Variants in DENND1A observed in about 807,000 individuals in gnomAD.
DENND1A encodes the protein DENN domain-containing protein 1A.
A neutral mutation model predicts 113.7 loss-of-function variants in DENND1A; 51 were observed. The ratio of observed to expected loss-of-function variants is 0.45; its 90% CI spans 0.36 to 0.57. DENND1A has a LOEUF of 0.57. Among genes scored for constraint, DENND1A ranks in the 20% least tolerant of loss-of-function variants. DENND1A has a pLI of 0.00. For missense variants in DENND1A, 1,258 were observed against 1,395.9 expected, an observed-to-expected ratio of 0.90 and a Z score of 1.57; for synonymous variants, 565 against 570.8, an observed-to-expected ratio of 0.99 and a Z score of 0.14.
chr9:123,573,192 T>C (rs1310434322), intron 12 of DENND1A, among the ~76,000 whole-genome samples: 1 of 152,178 alleles, frequency 6.6e-6, no homozygotes, highest in African/African-American at 2.4e-5. Flanking sequence ...AACTTTATAG[T>C]GAGTCTTGCA....
At chr9:123,814,236 T>C (rs1420952306) in intron 2 of DENND1A, among the ~76,000 whole-genome samples, 6 of 152,184 alleles carry the variant, frequency 3.9e-5, no homozygotes, top group African/African-American at 1.4e-4. Flanking sequence ...AATAAATTCA[T>C]TGTGATCAAT....
At chr9:123,857,116 T>C (rs1328279794) in intron 2 of DENND1A, among the ~76,000 whole-genome samples, 2 of 150,400 alleles carry the variant, frequency 1.3e-5, no homozygotes, top group Non-Finnish European at 3.0e-5. Context: ...AATCAAAATT[T>C]TGGCTTTTAA....
Position 123,688,577 on chromosome 9 carries a change from C to T in DENND1A, c.303-11788G>A, listed in dbSNP as rs572554238. On this transcript the variant is annotated intron_variant, in intron 5 of 23. Transcript: ENST00000394215. Reference sequence around the variant, plus strand: ...AAAATGTGGTAAGTAATGGTTGGGCCGCCCTGAAAAGAGGTATGATGCGCA... The same window carrying T: ...AAAATGTGGTAAGTAATGGTTGGGCTGCCCTGAAAAGAGGTATGATGCGCA... 3.3e-5 allele frequency among the ~76,000 whole-genome samples: 5 copies of T among 152,210 alleles called. No homozygotes were observed. The South Asian group carries it at 1.0e-3, about 32-fold the overall frequency.
intron 20 of DENND1A, chr9:123,411,352 C>T (rs1240545362): frequency 6.6e-6 from 1 of 152,256 alleles, no homozygotes; most frequent in Non-Finnish European, 1.5e-5. Flanking sequence ...ACTCCCTGGA[C>T]ATAGCCTCCA....
At chr9:123,797,138 T>C (rs1248607110) in intron 2 of DENND1A, among the ~76,000 whole-genome samples, 1 of 152,210 alleles carries the variant, frequency 6.6e-6, no homozygotes, top group Non-Finnish European at 1.5e-5. Context: ...ATATTGAACA[T>C]ATTTAAAGCT....
At chr9:123,602,108 A>T (rs999681002) in intron 11 of DENND1A, among the ~76,000 whole-genome samples, 3 of 152,172 alleles carry the variant, frequency 2.0e-5, no homozygotes, top group Non-Finnish European at 4.4e-5. Flanking sequence ...TCTGAGGGGG[A>T]TTGGTTCCAG....
At chr9:123,826,153 A>C (rs1384272584) in intron 2 of DENND1A, among the ~76,000 whole-genome samples, 1 of 152,190 alleles carries the variant, frequency 6.6e-6, no homozygotes, top group East Asian at 1.9e-4. Context: ...GGGGAAGTTA[A>C]CTAATACAAA....
intron 2 of DENND1A, among the ~76,000 whole-genome samples, chr9:123,835,892 G>T (rs989130189): frequency 6.6e-6 from 1 of 152,142 alleles, no homozygotes; most frequent in African/African-American, 2.4e-5. Context: ...GAGAGCTTCA[G>T]CTATGAAGCC....
intron 5 of DENND1A, among the ~76,000 whole-genome samples, chr9:123,748,821 T>C (rs988330102): frequency 6.6e-6 from 1 of 152,194 alleles, no homozygotes; most frequent in Non-Finnish European, 1.5e-5. Flanking sequence ...GCCTCTCCTG[T>C]AGAATGCTTT....
chr9:123,428,652 C>A (rs948485306), intron 19 of DENND1A, among the ~76,000 whole-genome samples: 2 of 152,074 alleles, frequency 1.3e-5, no homozygotes, highest in Non-Finnish European at 2.9e-5. Context: ...TATAGAAAAC[C>A]CCATCGTCTC....
At chr9:123,566,389 A>C (rs924080959) in intron 12 of DENND1A, among the ~76,000 whole-genome samples, 1 of 152,010 alleles carries the variant, frequency 6.6e-6, no homozygotes, top group Admixed American at 6.6e-5. Flanking sequence ...ATTTATGTGG[A>C]GTTCCATGCT....
intron 12 of DENND1A, among the ~76,000 whole-genome samples, chr9:123,567,278 G>A (rs1209392639): frequency 2.0e-5 from 3 of 152,130 alleles, no homozygotes; most frequent in South Asian, 2.1e-4. Flanking sequence ...TTTTAATTAG[G>A]TCTAAGGCTT....
At chr9:123,840,629 C>T (rs755306131) in intron 2 of DENND1A, among the ~76,000 whole-genome samples, 1 of 152,166 alleles carries the variant, frequency 6.6e-6, no homozygotes, top group African/African-American at 2.4e-5. Context: ...TCCCCAAGGG[C>T]CTAGCACAGT....
At chr9:123,701,629 C>A (rs1405751671) in intron 5 of DENND1A, among the ~76,000 whole-genome samples, 1 of 152,208 alleles carries the variant, frequency 6.6e-6, no homozygotes, top group Non-Finnish European at 1.5e-5. Flanking sequence ...TGCCAGCTGA[C>A]TACAGTGGCC....
At chr9:123,599,521 C>T (rs777323586) in intron 11 of DENND1A, among the ~76,000 whole-genome samples, 20 of 152,290 alleles carry the variant, frequency 1.3e-4, no homozygotes, top group Non-Finnish European at 1.9e-4. Flanking sequence ...CATGGCACTT[C>T]GGTCATATTA....
chr9:123,662,357 T>C (rs533645299), intron 8 of DENND1A, among the ~76,000 whole-genome samples: 1 of 151,926 alleles, frequency 6.6e-6, no homozygotes, highest in African/African-American at 2.4e-5. Context: ...AGGTCAGGAG[T>C]TCAAGACCAG....
chr9:123,603,321 G>A (rs1355132664), intron 11 of DENND1A, among the ~76,000 whole-genome samples: 2 of 152,140 alleles, frequency 1.3e-5, no homozygotes, highest in Non-Finnish European at 2.9e-5. Flanking sequence ...GTAAATAAAT[G>A]AATCCTATAT....
chr9:123,649,421 G>A (rs1350394217), intron 9 of DENND1A, among the ~76,000 whole-genome samples: 1 of 152,154 alleles, frequency 6.6e-6, no homozygotes, highest in African/African-American at 2.4e-5. Context: ...TGTGTTGAAT[G>A]TCAAGGTTAT....
At chr9:123,412,123 G>A (rs1489918210) in intron 19 of DENND1A, among the ~76,000 whole-genome samples, 1 of 152,170 alleles carries the variant, frequency 6.6e-6, no homozygotes, top group Non-Finnish European at 1.5e-5. Context: ...GCAATAGGGC[G>A]AGCCCACCCC....
Sources: allele counts gnomAD v4.1 joint callset (sites outside exome capture counted in the v4.1 genomes callset), GRCh38; gene constraint gnomAD v4.1.1; transcripts MANE v1.5; gene names NCBI Gene and HGNC (gene_info 2026-07-23, HGNC 2026-07-21).